Variants in KCNAB1 observed in about 807,000 individuals in gnomAD.
KCNAB1 encodes the protein voltage-gated potassium channel subunit beta-1.
A neutral mutation model predicts 64.6 loss-of-function variants in KCNAB1; 35 were observed. That is an observed-to-expected ratio of 0.54 (90% CI 0.41 to 0.72). KCNAB1 has a LOEUF of 0.72. KCNAB1 is among the 30% of genes least tolerant of loss of function. The pLI is 0.00. For missense variants in KCNAB1, 401 were observed against 512.9 expected (o/e 0.78, Z 2.11); for synonymous variants, 177 against 183.8 (o/e 0.96, Z 0.30).
chr3:156,410,507 G>A (rs867128226), intron 1 of KCNAB1, among the ~76,000 whole-genome samples: 1 of 152,142 alleles, frequency 6.6e-6, no homozygotes, highest in Admixed American at 6.5e-5. Flanking sequence ...TTTGCATAGA[G>A]TGAAATTCAC....
intron 1 of KCNAB1, among the ~76,000 whole-genome samples, chr3:156,193,162 C>T (rs1006670271): frequency 1.3e-5 from 2 of 151,514 alleles, no homozygotes; most frequent in African/African-American, 4.9e-5. Flanking sequence ...AGTTATAACT[C>T]TATTTTGTTA....
chr3:156,292,220 A>G, intron 1 of KCNAB1: 1 of 1,388,280 alleles, frequency 7.2e-7, no homozygotes, highest in Non-Finnish European at 1.0e-6. Context: ...TGATTTACTC[A>G]TCAGTGGGTT....
At chr3:156,370,157 T>C (rs1237499994) in intron 1 of KCNAB1, among the ~76,000 whole-genome samples, 1 of 152,176 alleles carries the variant, frequency 6.6e-6, no homozygotes, top group Admixed American at 6.5e-5. Flanking sequence ...ATTTTGACAC[T>C]AGGATAAGAG....
At chr3:156,451,727 A>G (rs1359021525) in intron 2 of KCNAB1, among the ~76,000 whole-genome samples, 1 of 151,968 alleles carries the variant, frequency 6.6e-6, no homozygotes, top group Non-Finnish European at 1.5e-5. Context: ...GTGCTCCCAC[A>G]TTTCATCTCA....
chr3:156,216,375 G>GAT (rs1277674822), intron 1 of KCNAB1, among the ~76,000 whole-genome samples: 1 of 152,186 alleles, frequency 6.6e-6, no homozygotes, highest in Non-Finnish European at 1.5e-5. Context: ...CATGAACATA[G>GAT]GCATGCCATG....
chr3:156,219,751 G>A (rs1205078372), intron 1 of KCNAB1, among the ~76,000 whole-genome samples: 1 of 150,798 alleles, frequency 6.6e-6, no homozygotes, highest in Admixed American at 6.6e-5. Context: ...AAGTTCTAGG[G>A]TACATGTGAA....
intron 3 of KCNAB1, among the ~76,000 whole-genome samples, chr3:156,454,484 G>A (rs1712242597): frequency 6.6e-6 from 1 of 152,154 alleles, no homozygotes; most frequent in African/African-American, 2.4e-5. Flanking sequence ...TTCCAGAGAG[G>A]GCTGACAGAG....
At chr3:156,364,929 T>G (rs781215997) in intron 1 of KCNAB1, among the ~76,000 whole-genome samples, 85 of 151,792 alleles carry the variant, frequency 5.6e-4, no homozygotes, top group Non-Finnish European at 1.1e-3. Context: ...CAGAGGGAGG[T>G]CCTAGGAGAG....
chr3:156,316,549 T>C (rs1722290215), intron 1 of KCNAB1, among the ~76,000 whole-genome samples: 1 of 152,254 alleles, frequency 6.6e-6, no homozygotes, highest in Admixed American at 6.5e-5. Context: ...ACATTCAAAG[T>C]AATTGAGAAA....
At chr3:156,161,516 A>G (rs1188169887) in intron 1 of KCNAB1, among the ~76,000 whole-genome samples, 1 of 152,200 alleles carries the variant, frequency 6.6e-6, no homozygotes, top group African/African-American at 2.4e-5. Flanking sequence ...GACATTTGTG[A>G]TAAGATCAGC....
intron 8 of KCNAB1, among the ~76,000 whole-genome samples, chr3:156,512,091 C>A (rs1000657390): frequency 9.2e-5 from 14 of 152,306 alleles, no homozygotes; most frequent in African/African-American, 2.6e-4. Flanking sequence ...CATTTCCTGT[C>A]CCAGTCCCCT....
intron 1 of KCNAB1, among the ~76,000 whole-genome samples, chr3:156,370,960 C>T (rs2108126525): frequency 6.6e-6 from 1 of 152,314 alleles, no homozygotes; most frequent in Non-Finnish European, 1.5e-5. Flanking sequence ...CAACCTCCAC[C>T]TGGCATCCTT....
chr3:156,466,345 A>T (rs1339219662), intron 7 of KCNAB1, among the ~76,000 whole-genome samples: 3 of 152,110 alleles, frequency 2.0e-5, no homozygotes, highest in Admixed American at 2.0e-4. Context: ...CACTATATGG[A>T]TAGCCACATT....
chr3:156,492,563 TC>T (rs1228475924), intron 8 of KCNAB1, among the ~76,000 whole-genome samples: 10 of 152,010 alleles, frequency 6.6e-5, no homozygotes, highest in Admixed American at 6.6e-4. Flanking sequence ...GGGAAGAAAT[TC>T]AGATACTCCT....
In KCNAB1 at chr3:156,375,817, TTTC is replaced by T. The variant is rs373035761; in HGVS notation, c.276-45793_276-45791del. 1.6e-3 allele frequency among the ~76,000 whole-genome samples: 200 copies of T among 125,394 alleles called. 62 individuals carry two copies. The highest frequency in any genetic ancestry group is 7.4e-3 in the African/African-American group (196 of 26,320). The allele number at this position is 125,394 out of a possible 152,430, so 82.3% of individuals were successfully genotyped here. A position where few individuals can be genotyped will look rare whatever the true frequency, so the allele number is the denominator to read the frequency against. On this transcript the variant is annotated intron_variant, in intron 1 of 13. Coordinates refer to ENST00000490337, the MANE Select transcript of KCNAB1 (RefSeq NM_172160.3). ...AGTTAAGTGTCCTACATATTGAAGA[TTTC>T]TTCTTTTTTTTGTGTGTGTGTTGGA...
chr3:156,192,949 A>G (rs940036524), intron 1 of KCNAB1, among the ~76,000 whole-genome samples: 15 of 152,166 alleles, frequency 9.9e-5, no homozygotes, highest in African/African-American at 3.4e-4. Flanking sequence ...CAATCTCCAT[A>G]CTTTCTAATT....
At chr3:156,406,833 A>G (rs73019935) in intron 1 of KCNAB1, among the ~76,000 whole-genome samples, 3,578 of 152,208 alleles carry the variant, frequency 0.024, 143 homozygotes, top group African/African-American at 0.08. Flanking sequence ...CTAAGACAAG[A>G]CCACTGAACT....
chr3:156,388,284 TA>T (rs1436039855), intron 1 of KCNAB1, among the ~76,000 whole-genome samples: 4 of 152,302 alleles, frequency 2.6e-5, no homozygotes, highest in African/African-American at 9.6e-5. Context: ...GTGAGGTCTT[TA>T]AACAGGAACC....
intron 1 of KCNAB1, among the ~76,000 whole-genome samples, chr3:156,379,063 G>T (rs1711949411): frequency 6.6e-6 from 1 of 152,240 alleles, no homozygotes; most frequent in Non-Finnish European, 1.5e-5. Flanking sequence ...CCTAGGAACA[G>T]TTTGAGGGGG....
Sources: gnomAD v4.1 joint callset for allele counts (sites outside exome capture counted in the v4.1 genomes callset) on GRCh38, gnomAD v4.1.1 for gene constraint, MANE v1.5 for transcripts, NCBI Gene and HGNC (gene_info 2026-07-23, HGNC 2026-07-21) for gene names.